The following SPOCK1 variants were observed in gnomAD, a reference collection of about 807,000 sequenced individuals.
SPOCK1 encodes the protein testican-1.
In SPOCK1, 23 loss-of-function variants were observed where a neutral mutation model predicts 55.3. The ratio of observed to expected loss-of-function variants is 0.42; its 90% CI spans 0.30 to 0.59. The LOEUF (loss-of-function observed/expected upper bound fraction) is 0.59, where lower values mean the gene tolerates loss of function less well. Among genes scored for constraint, SPOCK1 ranks in the 20% least tolerant of loss-of-function variants. The probability of loss-of-function intolerance (pLI) is 0.22; values close to 1 mark genes in which losing one functional copy is unlikely to be tolerated. For missense variants in SPOCK1, 499 were observed against 552.5 expected (o/e 0.90, Z 0.97); for synonymous variants, 226 against 221.0 (o/e 1.02, Z -0.20).
intron 5 of SPOCK1, among the ~76,000 whole-genome samples, chr5:137,088,903 C>T (rs529385597): frequency 5.9e-5 from 9 of 152,060 alleles, no homozygotes; most frequent in Non-Finnish European, 1.0e-4. Flanking sequence ...AGATCAGGAG[C>T]AAAAAGGTTA....
chr5:136,988,741 C>A (rs1561572137), intron 7 of SPOCK1, 98 bp from the exon 8 acceptor site: 2 of 1,037,202 alleles, frequency 1.9e-6, no homozygotes, highest in Non-Finnish European at 2.8e-6. Context: ...CCAAGGCCCA[C>A]CTGACTCCCT....
intron 2 of SPOCK1, among the ~76,000 whole-genome samples, chr5:137,390,669 G>A (rs1233901358): frequency 1.3e-5 from 2 of 152,142 alleles, no homozygotes; most frequent in Non-Finnish European, 2.9e-5. Flanking sequence ...GGCAAAAAGG[G>A]TTTCCCTCTG....
At chr5:137,278,262 C>T (rs990193622) in intron 2 of SPOCK1, among the ~76,000 whole-genome samples, 3 of 152,168 alleles carry the variant, frequency 2.0e-5, no homozygotes, top group African/African-American at 4.8e-5. Flanking sequence ...ACACAGCAGA[C>T]GCTCCTCACC....
intron 2 of SPOCK1, among the ~76,000 whole-genome samples, chr5:137,445,524 A>G (rs951729722): frequency 6.6e-6 from 1 of 152,218 alleles, no homozygotes; most frequent in Non-Finnish European, 1.5e-5. Flanking sequence ...GTCCCTGAAG[A>G]GTATCATACA....
At chr5:137,476,326 A>G (rs1753837346) in intron 2 of SPOCK1, among the ~76,000 whole-genome samples, 1 of 152,234 alleles carries the variant, frequency 6.6e-6, no homozygotes, top group Non-Finnish European at 1.5e-5. Flanking sequence ...AACAAAACAG[A>G]GCAGATAAGA....
intron 3 of SPOCK1, among the ~76,000 whole-genome samples, chr5:137,161,553 T>C (rs1358656388): frequency 6.6e-6 from 1 of 152,190 alleles, no homozygotes; most frequent in Non-Finnish European, 1.5e-5. Flanking sequence ...GATTTATATT[T>C]TGTGTCATGC....
At chr5:137,163,677 G>A (rs10070152) in intron 3 of SPOCK1, among the ~76,000 whole-genome samples, 4,352 of 152,162 alleles carry the variant, frequency 0.029, 211 homozygotes, top group African/African-American at 0.1. Context: ...GTCCAAGTTA[G>A]CGGAACTCAC....
Position 137,277,778 on chromosome 5 carries a change from T to C in SPOCK1, c.187-10723A>G, listed in dbSNP as rs373426035. On this transcript the variant is annotated intron_variant, in intron 2 of 10. Coordinates refer to ENST00000394945, the MANE Select transcript of SPOCK1 (RefSeq NM_004598.4). Reference sequence around the variant, plus strand: ...AAGCAGGCAGGACACCCTGGATTCCTGATCCACCCCTACCCTCAGGCCCAG... The same window carrying C: ...AAGCAGGCAGGACACCCTGGATTCCCGATCCACCCCTACCCTCAGGCCCAG... Among the ~76,000 whole-genome samples, 3 of 152,328 alleles carry C rather than the reference T, an allele frequency of 2.0e-5. No individual in the cohort carries two copies. In the East Asian group the frequency reaches 5.8e-4, roughly 29 times the overall value.
At chr5:137,356,288 T>C (rs1351830692) in intron 2 of SPOCK1, among the ~76,000 whole-genome samples, 1 of 152,218 alleles carries the variant, frequency 6.6e-6, no homozygotes, top group Non-Finnish European at 1.5e-5. Flanking sequence ...GGTCAATTTG[T>C]AATTTAAATC....
intron 5 of SPOCK1, among the ~76,000 whole-genome samples, chr5:137,081,458 C>T (rs1752876705): frequency 6.6e-6 from 1 of 152,196 alleles, no homozygotes; most frequent in Non-Finnish European, 1.5e-5. Flanking sequence ...CAAAAAAAGC[C>T]ATTAAGATCT....
At chr5:137,292,439 A>C (rs1293741956) in intron 2 of SPOCK1, among the ~76,000 whole-genome samples, 1 of 15,398 alleles carries the variant, frequency 6.5e-5, no homozygotes, top group African/African-American at 4.7e-4. Flanking sequence ...AAAAAAAAAA[A>C]AAAAAAAAAA....
intron 5 of SPOCK1, among the ~76,000 whole-genome samples, chr5:137,097,990 T>C (rs1261154833): frequency 6.6e-6 from 1 of 152,158 alleles, no homozygotes; most frequent in East Asian, 1.9e-4. Context: ...ATGTAAAAGC[T>C]GGGCCAATGG....
intron 6 of SPOCK1, among the ~76,000 whole-genome samples, chr5:137,034,132 G>A (rs932125710): frequency 1.3e-5 from 2 of 152,192 alleles, no homozygotes; most frequent in African/African-American, 4.8e-5. Flanking sequence ...ATAGCCATGT[G>A]CTGCATTCTC....
chr5:137,292,764 G>A (rs1326627493), intron 2 of SPOCK1, among the ~76,000 whole-genome samples: 3 of 151,998 alleles, frequency 2.0e-5, no homozygotes, highest in Non-Finnish European at 2.9e-5. Flanking sequence ...TTTTAAATTC[G>A]TATATTCAGA....
At chr5:137,455,947 G>C (rs1168526534) in intron 2 of SPOCK1, among the ~76,000 whole-genome samples, 7 of 152,088 alleles carry the variant, frequency 4.6e-5, no homozygotes, top group African/African-American at 1.7e-4. Flanking sequence ...AGGATCACTT[G>C]AGCCCAAGGA....
intron 6 of SPOCK1, among the ~76,000 whole-genome samples, chr5:137,054,773 TAATTA>T (rs1218003882): frequency 2.0e-5 from 3 of 152,234 alleles, no homozygotes; most frequent in Admixed American, 2.0e-4. Flanking sequence ...AGTATTGCTC[TAATTA>T]AATTTGTAAC....
chr5:137,441,239 G>A (rs1449032276), intron 2 of SPOCK1, among the ~76,000 whole-genome samples: 1 of 152,304 alleles, frequency 6.6e-6, no homozygotes, highest in African/African-American at 2.4e-5. Context: ...AATAGGACCA[G>A]CCTTGGAAGC....
intron 5 of SPOCK1, among the ~76,000 whole-genome samples, chr5:137,101,669 C>T (rs1488527035): frequency 1.3e-5 from 2 of 152,162 alleles, no homozygotes; most frequent in Admixed American, 6.5e-5. Context: ...TGTATTTTCA[C>T]AATGGACGAT....
At chr5:137,046,464 C>T (rs1203061550) in intron 6 of SPOCK1, among the ~76,000 whole-genome samples, 1 of 151,994 alleles carries the variant, frequency 6.6e-6, no homozygotes, top group Non-Finnish European at 1.5e-5. Flanking sequence ...TATAAGAATG[C>T]TTGTGATTTT....
Sources: gnomAD v4.1 joint callset for allele counts (sites outside exome capture counted in the v4.1 genomes callset) on GRCh38, gnomAD v4.1.1 for gene constraint, MANE v1.5 for transcripts, NCBI Gene and HGNC (gene_info 2026-07-23, HGNC 2026-07-21) for gene names.